Variants in SYNE1 observed in about 807,000 individuals in gnomAD.
SYNE1 encodes the protein spectrin repeat containing nuclear envelope protein 1.
Under a neutral mutation model 1,111.0 loss-of-function variants are expected in SYNE1, and 616 were observed. That is an observed-to-expected ratio of 0.55 (90% CI 0.52 to 0.59). SYNE1 has a LOEUF of 0.59. SYNE1 is among the 20% of genes least tolerant of loss of function. SYNE1 has a pLI of 0.00. For synonymous variants in SYNE1, 3,855 were observed against 3,825.8 expected (o/e 1.01, Z -0.28); for missense variants, 10,006 against 10,417.0 (o/e 0.96, Z 1.72).
intron 14 of SYNE1, chr6:152,474,706 A>T (rs1435315382): frequency 6.6e-6 from 1 of 152,260 alleles, no homozygotes; most frequent in Non-Finnish European, 1.5e-5. Flanking sequence ...TGGTTTGGTT[A>T]AAGTATTCAT....
chr6:152,177,641 C>A (rs1214215297), intron 129 of SYNE1, among the ~76,000 whole-genome samples: 4 of 152,154 alleles, frequency 2.6e-5, no homozygotes, highest in Non-Finnish European at 5.9e-5. Flanking sequence ...ATACCTGCAG[C>A]CCCACCCACC....
At chr6:152,254,404 C>A (rs936165611) in intron 104 of SYNE1, among the ~76,000 whole-genome samples, 1 of 151,850 alleles carries the variant, frequency 6.6e-6, no homozygotes, top group Non-Finnish European at 1.5e-5. Context: ...GCCTGCACCA[C>A]CACACCCTGC....
chr6:152,554,460 G>C (rs568405724), intron 3 of SYNE1, among the ~76,000 whole-genome samples: 1 of 151,986 alleles, frequency 6.6e-6, no homozygotes, highest in Non-Finnish European at 1.5e-5. Flanking sequence ...GAGGACTTCT[G>C]GATCAAAAGA....
At chr6:152,323,921 C>A in intron 81 of SYNE1, among the ~76,000 whole-genome samples, 184 bp from the exon 82 acceptor site, 1 of 152,072 alleles carries the variant, frequency 6.6e-6, no homozygotes, top group Middle Eastern at 3.4e-3. Flanking sequence ...ACCTCTATAC[C>A]TCTGGGTTTA....
intron 91 of SYNE1, among the ~76,000 whole-genome samples, chr6:152,306,503 T>G (rs1237429004): frequency 7.1e-6 from 1 of 141,266 alleles, no homozygotes; most frequent in African/African-American, 2.8e-5. Flanking sequence ...AATAAATAAA[T>G]AAATAAATAA....
chr6:152,581,800 G>T (rs1036794964), intron 3 of SYNE1, among the ~76,000 whole-genome samples: 1 of 152,104 alleles, frequency 6.6e-6, no homozygotes, highest in African/African-American at 2.4e-5. Context: ...GGGATCCAGG[G>T]TTTGAATTTT....
intron 93 of SYNE1, among the ~76,000 whole-genome samples, chr6:152,295,680 GT>G (rs2094842946): frequency 6.6e-6 from 1 of 151,886 alleles, no homozygotes; most frequent in African/African-American, 2.4e-5. Flanking sequence ...AATCCAAGCT[GT>G]CAAGGAGATA....
In SYNE1 at chr6:152,376,554, A is replaced by C; in HGVS notation, c.9151T>G (p.Cys3051Gly). 6.2e-7 allele frequency: 1 copy of C among 1,613,944 alleles called. No individual in the cohort carries two copies. The highest frequency in any genetic ancestry group is 8.5e-7 in the Non-Finnish European group (1 of 1,180,040). The change falls in exon 58 of 146, where the codon TGT becomes GGT. Residue 3051 changes from cysteine (C) to glycine (G), a missense_variant. Around this residue, in one of 7 missense-constraint regions of SYNE1, gnomAD observed 4,955 missense variants for 5,017.2 expected, o/e 0.99. Coordinates refer to ENST00000367255, the MANE Select transcript of SYNE1 (RefSeq NM_182961.4). ...SGLIKEYNCLCLQASKGCQNK... is the reference protein window; with the variant it reads ...SGLIKEYNCLGLQASKGCQNK... ...TGGCAGCCCTTGGATGCTTGCAAAC[A>C]AAGACTGAAAAGGTGACGCAAAAAT... is the stretch of plus-strand genomic sequence containing the variant.
intron 3 of SYNE1, among the ~76,000 whole-genome samples, chr6:152,606,463 A>G (rs1205569913): frequency 6.6e-6 from 1 of 152,190 alleles, no homozygotes; most frequent in African/African-American, 2.4e-5. Flanking sequence ...CAGAGTTAGA[A>G]TCTTACCTTT....
At chr6:152,188,857 C>G (rs2071068693) in intron 128 of SYNE1, among the ~76,000 whole-genome samples, 1 of 145,974 alleles carries the variant, frequency 6.9e-6, no homozygotes, top group Non-Finnish European at 1.5e-5. Flanking sequence ...ACTTGGGAGG[C>G]TGAGGCAGGA....
chr6:152,221,132 T>C, intron 118 of SYNE1, 86 bp from the exon 119 acceptor site: 1 of 1,347,142 alleles, frequency 7.4e-7, no homozygotes, highest in Non-Finnish European at 1.1e-6. Flanking sequence ...ATGATCCTGG[T>C]TCATGTGAAT....
intron 10 of SYNE1, among the ~76,000 whole-genome samples, chr6:152,500,929 T>A (rs2062909263): frequency 6.9e-6 from 1 of 145,866 alleles, no homozygotes; most frequent in South Asian, 2.1e-4. Context: ...CCAGCCTGGG[T>A]GACAGAGTGA....
chr6:152,184,348 A>G (rs969708059), intron 128 of SYNE1, among the ~76,000 whole-genome samples: 3 of 151,806 alleles, frequency 2.0e-5, no homozygotes, highest in Non-Finnish European at 4.4e-5. Flanking sequence ...GAGGCAGTAG[A>G]ACTGCTTGAA....
chr6:152,275,052 G>A (rs759328177), intron 98 of SYNE1, among the ~76,000 whole-genome samples: 2 of 152,080 alleles, frequency 1.3e-5, no homozygotes, highest in African/African-American at 2.4e-5. Context: ...GACCACAGGC[G>A]TGTGCCACCA....
At chr6:152,363,698 C>T in intron 63 of SYNE1, 1 of 454,332 alleles carries the variant, frequency 2.2e-6, no homozygotes, top group Middle Eastern at 5.9e-4. Context: ...GCTCCTAGAT[C>T]TCTTAGCTTG....
intron 105 of SYNE1, among the ~76,000 whole-genome samples, chr6:152,247,727 T>TTTTATA (rs1193626300): frequency 7.6e-5 from 9 of 117,784 alleles, no homozygotes; most frequent in African/African-American, 2.1e-4. Context: ...ATATTTTTTA[T>TTTTATA]TATATATATA....
chr6:152,541,049 T>C (rs2099267017), intron 3 of SYNE1, among the ~76,000 whole-genome samples: 1 of 152,232 alleles, frequency 6.6e-6, no homozygotes, highest in South Asian at 2.1e-4. Context: ...TAAATGATTG[T>C]TGCTTTAAAC....
chr6:152,400,649 G>A (rs781429734), intron 47 of SYNE1, among the ~76,000 whole-genome samples: 9 of 152,008 alleles, frequency 5.9e-5, no homozygotes, highest in South Asian at 2.1e-4. Context: ...GTGACAGAGT[G>A]AGATTCCATC....
rs1193871694 is a variant in SYNE1 at position 152,407,092 on chromosome 6, G to T, written c.6645C>A (p.Asn2215Lys). 6.2e-7 allele frequency: 1 copy of T among 1,613,886 alleles called. No individual in the cohort carries two copies. The highest frequency in any genetic ancestry group is 1.7e-5 in the Admixed American group (1 of 60,006). Residue 2215 changes from asparagine (N) to lysine (K), a missense_variant, in exon 45 of 146, where the codon AAC becomes AAA. Around this residue, in one of 7 missense-constraint regions of SYNE1, gnomAD observed 4,955 missense variants for 5,017.2 expected, o/e 0.99. Coordinates refer to ENST00000367255, the MANE Select transcript of SYNE1 (RefSeq NM_182961.4). ...TRDEIEGWSN[N>K]CVPQMAENIS... is the part of the protein sequence containing the mutation. ...TGTTTTCTGCCATCTGTGGAACGCA[G>T]TTGTTTGACCATCCCTCAATCTCAT...
Sources: gnomAD v4.1 joint callset for allele counts (sites outside exome capture counted in the v4.1 genomes callset) on GRCh38, gnomAD v4.1.1 for gene constraint, gnomAD v4.1.1 regional missense constraint, MANE v1.5 for transcripts, NCBI Gene and HGNC (gene_info 2026-07-23, HGNC 2026-07-21) for gene names.